Variants in VTI1A observed in about 807,000 individuals in gnomAD.
The protein encoded by VTI1A is vesicle transport through interaction with t-SNAREs 1A.
Under a neutral mutation model 34.9 loss-of-function variants are expected in VTI1A, and 22 were observed. The observed-to-expected ratio is 0.63, with a 90% confidence interval of 0.45 to 0.90. VTI1A has a LOEUF of 0.90. VTI1A is among the 40% of genes least tolerant of loss of function. The probability of loss-of-function intolerance (pLI) is 0.00; values close to 1 mark genes in which losing one functional copy is unlikely to be tolerated. For missense variants in VTI1A, 268 were observed against 275.6 expected (o/e 0.97, Z 0.20); for synonymous variants, 87 against 97.3 (o/e 0.89, Z 0.62).
chr10:112,576,521 T>G (rs1392056088), intron 5 of VTI1A, among the ~76,000 whole-genome samples: 1 of 152,210 alleles, frequency 6.6e-6, no homozygotes, highest in East Asian at 1.9e-4. Context: ...TAAAAAAATT[T>G]CCAAGTGGAA....
intron 7 of VTI1A, among the ~76,000 whole-genome samples, chr10:112,720,747 A>G (rs1849775857): frequency 6.6e-6 from 1 of 152,144 alleles, no homozygotes; most frequent in Non-Finnish European, 1.5e-5. Flanking sequence ...AGCGATACGG[A>G]TATTAGTGGT....
At chr10:112,728,181 T>G (rs1850111543) in intron 7 of VTI1A, among the ~76,000 whole-genome samples, 1 of 145,934 alleles carries the variant, frequency 6.9e-6, no homozygotes, top group South Asian at 2.2e-4. Context: ...CTTCTTTCTT[T>G]TCTTCCCCCC....
intron 3 of VTI1A, among the ~76,000 whole-genome samples, chr10:112,515,372 A>AT (rs1344672227): frequency 6.6e-6 from 1 of 152,070 alleles, no homozygotes; most frequent in East Asian, 1.9e-4. Context: ...AAATTATATT[A>AT]TTTTTTATTG....
intron 5 of VTI1A, among the ~76,000 whole-genome samples, chr10:112,558,272 A>C (rs1851601194): frequency 6.6e-6 from 1 of 152,244 alleles, no homozygotes; most frequent in African/African-American, 2.4e-5. Context: ...AATTATTAAA[A>C]GAATCTGTTT....
At chr10:112,636,903 A>C (rs1564859947) in intron 5 of VTI1A, among the ~76,000 whole-genome samples, 1 of 152,190 alleles carries the variant, frequency 6.6e-6, no homozygotes, top group East Asian at 1.9e-4. Context: ...AACAAAAAAC[A>C]GTCATTAAGA....
intron 7 of VTI1A, among the ~76,000 whole-genome samples, chr10:112,791,994 G>T (rs565989822): frequency 6.6e-6 from 1 of 152,226 alleles, no homozygotes; most frequent in African/African-American, 2.4e-5. Context: ...CTGTGGACTC[G>T]GCCAGGCACG....
chr10:112,668,247 C>T lies in VTI1A; in HGVS notation c.457C>T (p.Leu153Phe). 6.2e-7 allele frequency: 1 copy of T among 1,612,578 alleles called. No individual in the cohort carries two copies. The highest frequency in any genetic ancestry group is 8.5e-7 in the Non-Finnish European group (1 of 1,179,094). The change falls in exon 6 of 8, where the codon CTT (leucine) becomes TTT (phenylalanine). Residue 153 changes from leucine to phenylalanine, a missense_variant. Coordinates refer to ENST00000393077, the MANE Select transcript of VTI1A (RefSeq NM_145206.4). ...EQIGQEMLEN[L>F]SHDREKIQRA... ...AATTGGTCAGGAGATGTTGGAAAAC[C>T]TTAGTCATGACAGAGAAAAGATACA...
chr10:112,700,153 A>G (rs1182314451), intron 7 of VTI1A, among the ~76,000 whole-genome samples: 1 of 150,850 alleles, frequency 6.6e-6, no homozygotes, highest in Non-Finnish European at 1.5e-5. Context: ...AAAAAAAAAA[A>G]ACACTCGGAG....
At chr10:112,695,745 C>T (rs940867784) in intron 7 of VTI1A, among the ~76,000 whole-genome samples, 4 of 152,092 alleles carry the variant, frequency 2.6e-5, no homozygotes, top group African/African-American at 9.7e-5. Context: ...CCCAAGCAGC[C>T]CTGGAGTGGA....
chr10:112,694,992 G>C (rs922090170), intron 7 of VTI1A, among the ~76,000 whole-genome samples: 4 of 151,548 alleles, frequency 2.6e-5, no homozygotes, highest in Non-Finnish European at 5.9e-5. Context: ...TAAATAAATA[G>C]CAAATGTTCC....
intron 7 of VTI1A, among the ~76,000 whole-genome samples, chr10:112,773,589 G>GA (rs34417382): frequency 0.086 from 13,050 of 152,264 alleles, 685 homozygotes; most frequent in Middle Eastern, 0.13. Context: ...GTGTGCCTGG[G>GA]AAGTGTTCAC....
At chr10:112,769,547 A>G (rs1851741280) in intron 7 of VTI1A, among the ~76,000 whole-genome samples, 1 of 152,180 alleles carries the variant, frequency 6.6e-6, no homozygotes, top group South Asian at 2.1e-4. Context: ...GCCTGGGTGC[A>G]CCACCCCTCC....
At chr10:112,618,868 A>G (rs1845623755) in intron 5 of VTI1A, among the ~76,000 whole-genome samples, 1 of 152,122 alleles carries the variant, frequency 6.6e-6, no homozygotes, top group South Asian at 2.1e-4. Flanking sequence ...TTGACTGGCT[A>G]AGAGGAGGTG....
intron 3 of VTI1A, among the ~76,000 whole-genome samples, chr10:112,471,894 C>G (rs1228732227): frequency 6.6e-6 from 1 of 151,842 alleles, no homozygotes; most frequent in Non-Finnish European, 1.5e-5. Flanking sequence ...TAAATTTATA[C>G]AAACAAAAAA....
intron 7 of VTI1A, among the ~76,000 whole-genome samples, chr10:112,706,619 G>T (rs1849208093): frequency 6.6e-6 from 1 of 152,208 alleles, no homozygotes; most frequent in Non-Finnish European, 1.5e-5. Flanking sequence ...AAGGATTGTA[G>T]TTGGGAGCTT....
intron 4 of VTI1A, among the ~76,000 whole-genome samples, chr10:112,536,974 G>A (rs894856944): frequency 2.6e-5 from 4 of 152,046 alleles, no homozygotes; most frequent in African/African-American, 9.7e-5. Context: ...TGGTCTAGGT[G>A]TATTAGCTTA....
intron 5 of VTI1A, among the ~76,000 whole-genome samples, chr10:112,627,538 A>G (rs1288025125): frequency 6.6e-6 from 1 of 152,150 alleles, no homozygotes; most frequent in African/African-American, 2.4e-5. Context: ...AACTACTCAA[A>G]TATAACCACT....
chr10:112,641,519 A>C (rs1179712377), intron 5 of VTI1A, among the ~76,000 whole-genome samples: 1 of 152,144 alleles, frequency 6.6e-6, no homozygotes, highest in Non-Finnish European at 1.5e-5. Flanking sequence ...TGACCTTAGC[A>C]AGGAATAGAA....
chr10:112,813,633 A>G (rs1432122805), intron 7 of VTI1A, among the ~76,000 whole-genome samples: 3 of 152,226 alleles, frequency 2.0e-5, no homozygotes, highest in Non-Finnish European at 4.4e-5. Flanking sequence ...AGTGTTGATA[A>G]TTAGCCTCAC....
Sources: gnomAD v4.1 joint callset for allele counts (sites outside exome capture counted in the v4.1 genomes callset) on GRCh38, gnomAD v4.1.1 for gene constraint, MANE v1.5 for transcripts, NCBI Gene and HGNC (gene_info 2026-07-23, HGNC 2026-07-21) for gene names.